Variants in PLAC8 observed in about 807,000 individuals in gnomAD.
PLAC8 encodes placenta-specific gene 8 protein.
PLAC8 carries 6 observed loss-of-function variants against 12.6 expected under a neutral mutation model. That is an observed-to-expected ratio of 0.48 (90% confidence interval 0.26 to 0.94). The LOEUF (loss-of-function observed/expected upper bound fraction) is 0.94, where lower values mean the gene tolerates loss of function less well. Among genes scored for constraint, PLAC8 ranks in the 40% least tolerant of loss-of-function variants. The pLI, the probability that PLAC8 is intolerant of heterozygous loss-of-function variation, is 0.14. For missense variants in PLAC8, 122 were observed against 152.7 expected, an observed-to-expected ratio of 0.80 and a Z score of 1.06; for synonymous variants, 54 against 52.6, an observed-to-expected ratio of 1.03 and a Z score of -0.11.
At chr4:83,091,039 T>A (rs745633954) in intron 4 of PLAC8, 68 bp from the exon 5 acceptor site, 1 of 152,216 alleles carries the variant, frequency 6.6e-6, no homozygotes, top group Non-Finnish European at 1.5e-5. Context: ...AAACTTTTAA[T>A]TGCAGAATCA....
Position 83,107,871 on chromosome 4 carries a change from G to A in PLAC8, c.51C>T (p.Pro17=), listed in dbSNP as rs770175745. Residue 17 remains proline, a synonymous_variant, in exon 2 of 5, where the codon CCC becomes CCT. Coordinates refer to ENST00000311507, the MANE Select transcript of PLAC8 (RefSeq NM_016619.3). ...AGTTGGAGTTCTGGGGGGCCGGACC[G>A]GGACCGACTCCAGGTTGGGTCACAA... ...VVVVTQPGVG[P]GPAPQNSNWQ... 2.8e-5 allele frequency: 45 copies of A among 1,602,518 alleles called. No individual in the cohort carries two copies. The highest frequency in any genetic ancestry group is 1.7e-4 in the South Asian group (15 of 90,486).
intron 1 of PLAC8, among the ~76,000 whole-genome samples, chr4:83,111,485 A>G (rs921362013): frequency 2.0e-5 from 3 of 151,944 alleles, no homozygotes; most frequent in African/African-American, 7.3e-5. Context: ...CAAAAAAAAA[A>G]TAAAAAAATA....
At chr4:83,091,173 A>C (rs1227442902) in intron 4 of PLAC8, among the ~76,000 whole-genome samples, 2 of 152,208 alleles carry the variant, frequency 1.3e-5, no homozygotes. Flanking sequence ...ATGAACCCAT[A>C]CTGATGCATT....
chr4:83,104,813 A>G, intron 3 of PLAC8, 83 bp downstream of exon 3: 1 of 1,411,498 alleles, frequency 7.1e-7, no homozygotes, highest in South Asian at 1.2e-5. Context: ...CAGAAGATGT[A>G]TACATCAAAT....
intron 3 of PLAC8, among the ~76,000 whole-genome samples, chr4:83,095,926 A>T (rs565830259): frequency 2.7e-4 from 41 of 152,232 alleles, no homozygotes; most frequent in Non-Finnish European, 5.6e-4. Flanking sequence ...CGGGCAGGGC[A>T]CTAGATGAAC....
intron 2 of PLAC8, among the ~76,000 whole-genome samples, chr4:83,106,872 T>A (rs949004622): frequency 1.3e-5 from 2 of 152,104 alleles, no homozygotes; most frequent in African/African-American, 4.8e-5. Flanking sequence ...TTTAGAGACA[T>A]CTCTAAGTAA....
chr4:83,107,862 G>A lies in PLAC8; in HGVS notation c.60C>T (p.Ala20=). 5.0e-6 allele frequency: 8 copies of A among 1,606,488 alleles called. No homozygotes were observed. Among genetic ancestry groups the A allele is most frequent in the Non-Finnish European group, 6.8e-6 (8 of 1,175,862 alleles). The change falls in exon 2 of 5, where the codon GCC becomes GCT. Residue 20 remains alanine, a synonymous_variant. Transcript: ENST00000311507. ...CTGTCTGCCAGTTGGAGTTCTGGGG[G>A]GCCGGACCGGGACCGACTCCAGGTT... ...VTQPGVGPGP[A]PQNSNWQTGM...
At chr4:83,094,044 G>A (rs933749464) in intron 4 of PLAC8, 1 of 152,130 alleles carries the variant, frequency 6.6e-6, no homozygotes, top group Admixed American at 6.5e-5. Context: ...ATTCTACAGG[G>A]GATGGAGTAA....
chr4:83,112,747 G>A (rs1203902744), intron 1 of PLAC8, among the ~76,000 whole-genome samples: 1 of 152,116 alleles, frequency 6.6e-6, no homozygotes, highest in African/African-American at 2.4e-5. Flanking sequence ...AAAAATTCAA[G>A]GTATCTTTTA....
At chr4:83,107,227 A>C (rs1328619835) in intron 2 of PLAC8, among the ~76,000 whole-genome samples, 88 of 152,020 alleles carry the variant, frequency 5.8e-4, no homozygotes, top group East Asian at 2.1e-3. Context: ...AAAAAACAAA[A>C]AAAAAAACAA....
intron 3 of PLAC8, among the ~76,000 whole-genome samples, chr4:83,096,935 C>T (rs1031639107): frequency 1.3e-5 from 2 of 152,168 alleles, no homozygotes; most frequent in African/African-American, 2.4e-5. Context: ...GGCTGATTGG[C>T]TTTGGGTTGC....
intron 3 of PLAC8, among the ~76,000 whole-genome samples, chr4:83,104,481 G>A (rs962765083): frequency 5.3e-5 from 8 of 152,266 alleles, no homozygotes; most frequent in African/African-American, 1.9e-4. Context: ...TTAGAATTGA[G>A]TATCGACTCT....
At chr4:83,094,621 TTTAG>T (rs1731881974) in intron 4 of PLAC8, 53 bp downstream of exon 4, 1 of 873,618 alleles carries the variant, frequency 1.1e-6, no homozygotes, top group Non-Finnish European at 1.9e-6. Context: ...TGACAAAGTC[TTTAG>T]TGATATTTCT....
chr4:83,105,418 T>C (rs1732211219), intron 2 of PLAC8, among the ~76,000 whole-genome samples: 1 of 152,092 alleles, frequency 6.6e-6, no homozygotes, highest in Non-Finnish European at 1.5e-5. Context: ...CCCAGAAAAA[T>C]GGGGCCTACA....
chr4:83,103,923 C>T (rs1732174842), intron 3 of PLAC8, among the ~76,000 whole-genome samples: 1 of 152,158 alleles, frequency 6.6e-6, no homozygotes. Context: ...CCTCCTGGGC[C>T]TCCCGAAGTG....
intron 1 of PLAC8, among the ~76,000 whole-genome samples, chr4:83,111,467 CTT>C (rs950642356): frequency 2.0e-5 from 3 of 150,324 alleles, no homozygotes; most frequent in African/African-American, 4.9e-5. Flanking sequence ...GAGCGAGACT[CTT>C]ATCTCCAAAA....
intron 3 of PLAC8, among the ~76,000 whole-genome samples, chr4:83,097,802 A>C (rs1230182509): frequency 6.6e-6 from 1 of 152,020 alleles, no homozygotes; most frequent in Non-Finnish European, 1.5e-5. Flanking sequence ...AAAGATTATA[A>C]GAAGGCATAG....
At chr4:83,102,966 A>G (rs1012313455) in intron 3 of PLAC8, among the ~76,000 whole-genome samples, 7 of 151,386 alleles carry the variant, frequency 4.6e-5, no homozygotes, top group Admixed American at 1.3e-4. Flanking sequence ...GGCACCTGTA[A>G]TCCCAGCTAC....
chr4:83,107,249 AT>A (rs958476514), intron 2 of PLAC8, among the ~76,000 whole-genome samples: 4 of 151,412 alleles, frequency 2.6e-5, no homozygotes, highest in African/African-American at 9.7e-5. Context: ...GCAGTCAGAG[AT>A]TTTTTTTCCC....
Sources: gnomAD v4.1 joint callset for allele counts (sites outside exome capture counted in the v4.1 genomes callset) on GRCh38, gnomAD v4.1.1 for gene constraint, MANE v1.5 for transcripts, NCBI Gene and HGNC (gene_info 2026-07-23, HGNC 2026-07-21) for gene names.